Variants in KATNAL2 observed in about 807,000 individuals in gnomAD.
The protein encoded by KATNAL2 is katanin catalytic subunit A1 like 2.
In KATNAL2, 52 loss-of-function variants were observed where a neutral mutation model predicts 76.3. The ratio of observed to expected loss-of-function variants is 0.68; its 90% CI spans 0.55 to 0.86. The LOEUF (loss-of-function observed/expected upper bound fraction) is 0.86, where lower values mean the gene tolerates loss of function less well. KATNAL2 is among the 40% of genes least tolerant of loss of function. The probability of loss-of-function intolerance (pLI) is 0.00; values close to 1 mark genes in which losing one functional copy is unlikely to be tolerated. For missense variants in KATNAL2, 660 were observed against 668.9 expected (o/e 0.99, Z 0.15); for synonymous variants, 243 against 244.2 (o/e 1.00, Z 0.05).
chr18:47,084,285 C>CA (rs1295679418), intron 15 of KATNAL2: 2 of 700,674 alleles, frequency 2.9e-6, no homozygotes, highest in Non-Finnish European at 5.2e-6. Flanking sequence ...GCAATGCATG[C>CA]ATGTGATTGG....
intron 16 of KATNAL2, 84 bp downstream of exon 16, chr18:47,099,489 T>G (rs1342671293): frequency 2.2e-6 from 3 of 1,337,320 alleles, no homozygotes; most frequent in Non-Finnish European, 2.0e-6. Context: ...CATGAGCTGA[T>G]AGAAGCTTGA....
At chr18:46,931,139 T>TAATAATAAA (rs1555824545) in intron 1 of KATNAL2, among the ~76,000 whole-genome samples, 20,305 of 122,558 alleles carry the variant, frequency 0.17, 1,812 homozygotes, top group Middle Eastern at 0.22. Context: ...ATAATAATAA[T>TAATAATAAA]AAATAAATAA....
intron 3 of KATNAL2, among the ~76,000 whole-genome samples, chr18:47,031,013 C>A (rs1287638396): frequency 2.8e-4 from 1 of 3,626 alleles, no homozygotes; most frequent in African/African-American, 8.1e-4. Flanking sequence ...TCTAGCATCT[C>A]CCCCCCCCCC....
intron 11 of KATNAL2, 51 bp from the exon 12 acceptor site, chr18:47,069,169 G>A (rs1236325815): frequency 1.6e-6 from 2 of 1,273,848 alleles, no homozygotes; most frequent in African/African-American, 2.9e-5. Flanking sequence ...CTGAGAGTAT[G>A]CAGGCTGATG....
intron 10 of KATNAL2, among the ~76,000 whole-genome samples, chr18:47,065,105 C>T (rs543905433): frequency 1.3e-5 from 2 of 152,306 alleles, no homozygotes; most frequent in South Asian, 4.1e-4. Context: ...TGAGTCCTTT[C>T]TCTACCCTTC....
intron 10 of KATNAL2, among the ~76,000 whole-genome samples, chr18:47,063,943 A>C (rs1298191607): frequency 6.6e-6 from 1 of 152,188 alleles, no homozygotes; most frequent in Non-Finnish European, 1.5e-5. Context: ...CCTGGGAAAT[A>C]AAATAGATTC....
chr18:47,067,579 GC>G (rs1456031263), intron 11 of KATNAL2, among the ~76,000 whole-genome samples: 2 of 152,130 alleles, frequency 1.3e-5, no homozygotes, highest in Non-Finnish European at 1.5e-5. Flanking sequence ...CCCTTCCAGG[GC>G]AGTGACCAGC....
At chr18:46,942,088 A>G (rs1182804099) in intron 1 of KATNAL2, among the ~76,000 whole-genome samples, 1 of 152,190 alleles carries the variant, frequency 6.6e-6, no homozygotes, top group Non-Finnish European at 1.5e-5. Flanking sequence ...GGAGTAGGTA[A>G]TCGAAAAAGG....
At chr18:47,034,136 C>T (rs374544462) in intron 3 of KATNAL2, 64 of 1,614,028 alleles carry the variant, frequency 4.0e-5, no homozygotes, top group Non-Finnish European at 5.0e-5. Flanking sequence ...GTGGGCTGCT[C>T]GAATTCCTCA....
intron 3 of KATNAL2, among the ~76,000 whole-genome samples, chr18:47,042,067 A>G (rs567283408): frequency 6.6e-6 from 1 of 152,072 alleles, no homozygotes; most frequent in Non-Finnish European, 1.5e-5. Context: ...TGTTGAATTT[A>G]GGAGGGTTTG....
intron 15 of KATNAL2, among the ~76,000 whole-genome samples, chr18:47,082,044 T>G (rs2062549403): frequency 6.6e-6 from 1 of 152,228 alleles, no homozygotes; most frequent in Non-Finnish European, 1.5e-5. Flanking sequence ...TAATTAATAC[T>G]CACTTTATCC....
At chr18:46,928,270 A>T (rs2058793755) in intron 1 of KATNAL2, among the ~76,000 whole-genome samples, 1 of 151,958 alleles carries the variant, frequency 6.6e-6, no homozygotes, top group South Asian at 2.1e-4. Flanking sequence ...TTTGGTGTGG[A>T]TGTCCTTTCT....
intron 2 of KATNAL2, 121 bp from the exon 3 acceptor site, chr18:46,946,733 C>T: frequency 8.9e-7 from 1 of 1,118,494 alleles, no homozygotes; most frequent in Non-Finnish European, 1.3e-6. Context: ...CCTTCTGTGG[C>T]CAGCGATTGG....
At chr18:46,929,486 A>T (rs759040959) in intron 1 of KATNAL2, among the ~76,000 whole-genome samples, 3 of 151,678 alleles carry the variant, frequency 2.0e-5, no homozygotes, top group Non-Finnish European at 4.4e-5. Context: ...CAGGTGATCC[A>T]CCTGCCTCAG....
At chr18:46,919,412 G>A (rs989331772) in intron 1 of KATNAL2, among the ~76,000 whole-genome samples, 2 of 152,086 alleles carry the variant, frequency 1.3e-5, no homozygotes, top group Admixed American at 6.6e-5. Context: ...CTTGAACCCT[G>A]GAGGCGGAGG....
intron 1 of KATNAL2, among the ~76,000 whole-genome samples, chr18:46,944,783 C>T (rs1460941334): frequency 6.6e-6 from 1 of 152,024 alleles, no homozygotes; most frequent in Non-Finnish European, 1.5e-5. Flanking sequence ...TGGAAATTAG[C>T]TGGGCGTGGT....
At chr18:47,085,581 C>T (rs537692334) in intron 15 of KATNAL2, among the ~76,000 whole-genome samples, 43 of 152,150 alleles carry the variant, frequency 2.8e-4, no homozygotes, top group Admixed American at 1.7e-3. Context: ...TTTCTGATGA[C>T]CCACGACTCC....
intron 15 of KATNAL2, among the ~76,000 whole-genome samples, chr18:47,093,249 G>A (rs1161793914): frequency 6.6e-6 from 1 of 152,196 alleles, no homozygotes; most frequent in African/African-American, 2.4e-5. Context: ...ATTAATGTCT[G>A]TAAAATGCTT....
intron 3 of KATNAL2, among the ~76,000 whole-genome samples, chr18:47,032,385 C>T (rs1414072832): frequency 1.3e-5 from 2 of 152,158 alleles, no homozygotes; most frequent in Non-Finnish European, 2.9e-5. Context: ...AAGCTGGGAC[C>T]ACATGGACCG....
Sources: gnomAD v4.1 joint callset for allele counts (sites outside exome capture counted in the v4.1 genomes callset) on GRCh38, gnomAD v4.1.1 for gene constraint, MANE v1.5 for transcripts, NCBI Gene and HGNC (gene_info 2026-07-23, HGNC 2026-07-21) for gene names.